The following SLC8A1 variants were observed in gnomAD, a reference collection of about 807,000 sequenced individuals.
SLC8A1 encodes sodium/calcium exchanger 1.
A neutral mutation model predicts 68.3 loss-of-function variants in SLC8A1; 18 were observed. The observed-to-expected ratio is 0.26, with a 90% CI of 0.18 to 0.39. The LOEUF (loss-of-function observed/expected upper bound fraction) is 0.39, where lower values mean the gene tolerates loss of function less well. Among genes scored for constraint, SLC8A1 ranks in the 10% least tolerant of loss-of-function variants. SLC8A1 has a pLI of 1.00. For missense variants in SLC8A1, 985 were observed against 1,156.7 expected (o/e 0.85, Z 2.15); for synonymous variants, 475 against 415.5 (o/e 1.14, Z -1.74).
At chr2:40,121,573 G>C (rs1048008353) in intron 7 of SLC8A1, among the ~76,000 whole-genome samples, 1 of 152,024 alleles carries the variant, frequency 6.6e-6, no homozygotes, top group African/African-American at 2.4e-5. Context: ...GGCCAAATGA[G>C]GGGGAATTAC....
intron 1 of SLC8A1, among the ~76,000 whole-genome samples, chr2:40,510,440 G>A (rs775173301): frequency 1.3e-5 from 2 of 152,148 alleles, no homozygotes; most frequent in African/African-American, 4.8e-5. Flanking sequence ...CTTGGCAGTA[G>A]GCAAACGAGA....
intron 2 of SLC8A1, among the ~76,000 whole-genome samples, chr2:40,238,072 T>C (rs2060653671): frequency 2.6e-5 from 4 of 152,224 alleles, no homozygotes; most frequent in Admixed American, 2.0e-4. Context: ...GTCTGTGCCC[T>C]GCCCCCAGAG....
upstream of SLC8A1, among the ~76,000 whole-genome samples, chr2:40,453,716 A>G (rs1432649673): frequency 1.3e-5 from 2 of 152,030 alleles, no homozygotes; most frequent in African/African-American, 4.8e-5. Flanking sequence ...CTAGGCCAAT[A>G]CTCCTCAAAC....
intron 2 of SLC8A1, among the ~76,000 whole-genome samples, chr2:40,411,163 A>C (rs942999231): frequency 3.3e-5 from 5 of 152,074 alleles, no homozygotes; most frequent in African/African-American, 1.2e-4. Context: ...TCTGAAGATA[A>C]TTTCAAAGGG....
At chr2:40,202,597 G>A (rs899220611) in intron 2 of SLC8A1, among the ~76,000 whole-genome samples, 5 of 151,806 alleles carry the variant, frequency 3.3e-5, no homozygotes, top group African/African-American at 1.2e-4. Context: ...TTTTTTCTAA[G>A]CTAATAGCAT....
At position 40,428,977 on chromosome 2, in the gene SLC8A1, T is replaced by A; in HGVS notation, c.1304A>T (p.Asp435Val). The change falls in exon 2 of 8, where the codon GAT becomes GTT. Residue 435 changes from aspartate (D) to valine (V), a missense_variant. This residue lies in a region of SLC8A1 where 584 missense variants were observed against 565.9 expected (regional missense o/e 1.03). Transcript: ENST00000406785. ...GTCAACAAACACAGTGTTAGTCAAA[T>A]CACCACCTCTGCGGATAATGGTAAG... 1.9e-6 allele frequency: 3 copies of A among 1,613,838 alleles called. No homozygotes were observed. In the South Asian group the frequency reaches 3.3e-5, roughly 18 times the overall value.
chr2:40,133,202 C>G (rs949091268), intron 7 of SLC8A1, among the ~76,000 whole-genome samples: 2 of 152,134 alleles, frequency 1.3e-5, no homozygotes, highest in Non-Finnish European at 2.9e-5. Context: ...GCTCTTGTCC[C>G]TCTACCCTCT....
intron 1 of SLC8A1, among the ~76,000 whole-genome samples, chr2:40,490,360 A>G (rs1470840703): frequency 6.6e-6 from 1 of 152,178 alleles, no homozygotes; most frequent in East Asian, 1.9e-4. Context: ...TAATTTTGTC[A>G]TATAGCTTTC....
rs556065338 is a variant in SLC8A1, at chr2:40,448,117, CACTGGAAAATACATCAG to C, written c.-25+3770_-25+3786del. The stretch of plus-strand genomic sequence containing the variant: ...CGAGCAACTGTCTTATAAGTCAATG[CACTGGAAAATACATCAG>C]AAAATGGACTGTTTGATTAATAAGT... On this transcript the variant is annotated intron_variant, in intron 1 of 7. Transcript: ENST00000406785. Among the ~76,000 whole-genome samples the C allele has an allele frequency of 7.9e-3, 1,197 of 152,238 alleles. 9 individuals are homozygous for C. The highest frequency in any genetic ancestry group is 0.028 in the African/African-American group (1,153 of 41,552).
intron 2 of SLC8A1, among the ~76,000 whole-genome samples, chr2:40,313,640 C>T (rs191784454): frequency 5.9e-5 from 9 of 151,924 alleles, no homozygotes; most frequent in South Asian, 2.1e-4. Flanking sequence ...TGGGTTCAAG[C>T]GAACCTCCCA....
intron 2 of SLC8A1, 120 bp downstream of exon 3, chr2:40,178,267 C>G: frequency 1.3e-6 from 1 of 781,028 alleles, no homozygotes; most frequent in East Asian, 2.5e-5. Flanking sequence ...GAGATCTGTG[C>G]CCTGTTACAT....
chr2:40,410,686 C>T (rs1217531755), intron 2 of SLC8A1, among the ~76,000 whole-genome samples: 2 of 152,042 alleles, frequency 1.3e-5, no homozygotes, highest in Admixed American at 1.3e-4. Context: ...TCACAGTTAT[C>T]ATTTTTTGTG....
intron 2 of SLC8A1, among the ~76,000 whole-genome samples, chr2:40,378,236 G>A (rs974890959): frequency 2.6e-5 from 4 of 152,104 alleles, no homozygotes; most frequent in African/African-American, 9.7e-5. Context: ...AAGGACATGG[G>A]AGCTGCAATT....
chr2:40,349,527 C>T (rs1670395601), intron 2 of SLC8A1, among the ~76,000 whole-genome samples: 1 of 152,162 alleles, frequency 6.6e-6, no homozygotes, highest in Non-Finnish European at 1.5e-5. Context: ...TGGGTAAGTT[C>T]CTCTCTGCAC....
intron 2 of SLC8A1, among the ~76,000 whole-genome samples, chr2:40,279,918 A>C (rs892811787): frequency 6.6e-6 from 1 of 152,136 alleles, no homozygotes; most frequent in African/African-American, 2.4e-5. Context: ...TTATCTATTA[A>C]ACTTTTAAAA....
At chr2:40,508,986 C>T (rs966814004) in intron 1 of SLC8A1, among the ~76,000 whole-genome samples, 23 of 152,274 alleles carry the variant, frequency 1.5e-4, no homozygotes, top group African/African-American at 4.6e-4. Context: ...TTGATAACCA[C>T]GGCTCATATC....
chr2:40,368,233 T>C (rs1392653904), intron 2 of SLC8A1, among the ~76,000 whole-genome samples: 1 of 152,100 alleles, frequency 6.6e-6, no homozygotes, highest in Non-Finnish European at 1.5e-5. Flanking sequence ...GATGTCTAAC[T>C]ACAGAAAATT....
chr2:40,467,773 T>A (rs1335332072), intron 1 of SLC8A1, among the ~76,000 whole-genome samples: 1 of 152,184 alleles, frequency 6.6e-6, no homozygotes, highest in Admixed American at 6.5e-5. Flanking sequence ...CATTCACTAG[T>A]ATGTTCACCA....
At chr2:40,356,488 A>T (rs1271440007) in intron 2 of SLC8A1, among the ~76,000 whole-genome samples, 1 of 152,164 alleles carries the variant, frequency 6.6e-6, no homozygotes, top group Admixed American at 6.6e-5. Flanking sequence ...AATTATAAAC[A>T]CATTTTCAAA....
Sources: gnomAD v4.1 joint callset for allele counts (sites outside exome capture counted in the v4.1 genomes callset) on GRCh38, gnomAD v4.1.1 for gene constraint, gnomAD v4.1.1 regional missense constraint, MANE v1.5 for transcripts, NCBI Gene and HGNC (gene_info 2026-07-23, HGNC 2026-07-21) for gene names.